Variants in STARD13 observed in about 807,000 individuals in gnomAD.
STARD13 encodes stAR-related lipid transfer protein 13.
Under a neutral mutation model 106.4 loss-of-function variants are expected in STARD13, and 62 were observed. That is an observed-to-expected ratio of 0.58 (90% CI 0.48 to 0.72). STARD13 has a LOEUF of 0.72. STARD13 is among the 30% of genes least tolerant of loss of function. The pLI is 0.00. For missense variants in STARD13, 1,387 were observed against 1,424.0 expected (o/e 0.97, Z 0.42); for synonymous variants, 565 against 553.0 (o/e 1.02, Z -0.31).
chr13:33,635,197 A>G, the STARD13 span, among the ~76,000 whole-genome samples: 1 of 152,216 alleles, frequency 6.6e-6, no homozygotes, highest in East Asian at 1.9e-4. Context: ...CTTCATGTAC[A>G]GGATGTACAA....
the STARD13 span, among the ~76,000 whole-genome samples, chr13:33,674,752 A>T: frequency 2.0e-5 from 3 of 152,014 alleles, no homozygotes; most frequent in African/African-American, 4.8e-5. Flanking sequence ...TTTTCTGGTG[A>T]TTTTTTTTCT....
chr13:33,285,276 C>T (rs1233059678), intron 1 of STARD13, among the ~76,000 whole-genome samples, 194 bp downstream of exon 1: 1 of 152,036 alleles, frequency 6.6e-6, no homozygotes, highest in African/African-American at 2.4e-5. Context: ...TTATGTTGAG[C>T]TATGTGGCAG....
chr13:33,474,530 G>C, the STARD13 span, among the ~76,000 whole-genome samples: 54 of 152,290 alleles, frequency 3.5e-4, no homozygotes, highest in African/African-American at 1.2e-3. Context: ...ATGAAAGAAT[G>C]CTTGTACATT....
At chr13:33,452,294 G>A in the STARD13 span, among the ~76,000 whole-genome samples, 1 of 151,962 alleles carries the variant, frequency 6.6e-6, no homozygotes, top group Admixed American at 6.6e-5. Flanking sequence ...GTTCTCTGGG[G>A]TATGAAGGCC....
chr13:33,393,181 G>T, the STARD13 span, among the ~76,000 whole-genome samples: 1 of 152,154 alleles, frequency 6.6e-6, no homozygotes, highest in Non-Finnish European at 1.5e-5. Context: ...AGCCACTACT[G>T]CATATTATGA....
At chr13:33,579,047 C>G in the STARD13 span, among the ~76,000 whole-genome samples, 2 of 151,994 alleles carry the variant, frequency 1.3e-5, no homozygotes, top group Non-Finnish European at 2.9e-5. Context: ...TTATAAACTG[C>G]TGGGGGGAAT....
intron 1 of STARD13, among the ~76,000 whole-genome samples, chr13:33,263,041 C>T (rs551369494): frequency 5.3e-5 from 8 of 152,286 alleles, no homozygotes; most frequent in African/African-American, 1.9e-4. Flanking sequence ...ACTTACTAGT[C>T]GTAGAATCTT....
At chr13:33,224,609 C>T (rs1054843044) in intron 1 of STARD13, among the ~76,000 whole-genome samples, 6 of 152,218 alleles carry the variant, frequency 3.9e-5, no homozygotes, top group Admixed American at 1.3e-4. Flanking sequence ...AACTTCTACT[C>T]ACATTTCAGC....
the STARD13 span, among the ~76,000 whole-genome samples, chr13:33,582,765 A>G: frequency 6.6e-6 from 1 of 152,244 alleles, no homozygotes; most frequent in African/African-American, 2.4e-5. Flanking sequence ...AAGATGGGTC[A>G]TCAACCTAAC....
At chr13:33,200,828 T>C (rs1013639256) in intron 1 of STARD13, among the ~76,000 whole-genome samples, 3 of 151,702 alleles carry the variant, frequency 2.0e-5, no homozygotes, top group Admixed American at 6.6e-5. Flanking sequence ...GAGACCATCC[T>C]GGCTAACACG....
the STARD13 span, among the ~76,000 whole-genome samples, chr13:33,464,640 A>G: frequency 2.6e-5 from 4 of 152,172 alleles, no homozygotes; most frequent in African/African-American, 4.8e-5. Context: ...ACTTGAGGCA[A>G]GAACTCAAGA....
chr13:33,535,510 A>AG, the STARD13 span, among the ~76,000 whole-genome samples: 1,679 of 152,290 alleles, frequency 0.011, 39 homozygotes, highest in African/African-American at 0.038. Context: ...TAGTAACTTA[A>AG]AAATACAACT....
At chr13:33,626,144 CAT>C in the STARD13 span, among the ~76,000 whole-genome samples, 1 of 152,176 alleles carries the variant, frequency 6.6e-6, no homozygotes, top group Non-Finnish European at 1.5e-5. Context: ...CACACACACA[CAT>C]CTGCACATGT....
At chr13:33,173,913 T>C (rs1301404602) in intron 1 of STARD13, among the ~76,000 whole-genome samples, 1 of 152,224 alleles carries the variant, frequency 6.6e-6, no homozygotes. Flanking sequence ...CTCTCAGCTC[T>C]GTTTATGTGG....
At chr13:33,294,349 C>T (rs186922541) in intron 1 of STARD13, among the ~76,000 whole-genome samples, 1 of 152,318 alleles carries the variant, frequency 6.6e-6, no homozygotes, top group African/African-American at 2.4e-5. Context: ...GCCTTCTTTT[C>T]TAGCTTATAT....
At chr13:33,517,423 C>A in the STARD13 span, among the ~76,000 whole-genome samples, 1 of 152,082 alleles carries the variant, frequency 6.6e-6, no homozygotes, top group African/African-American at 2.4e-5. Flanking sequence ...AATGGTTTTC[C>A]TTATTCCTAA....
intron 1 of STARD13, among the ~76,000 whole-genome samples, chr13:33,332,526 G>A (rs1335742804): frequency 2.0e-5 from 3 of 152,034 alleles, no homozygotes; most frequent in East Asian, 3.9e-4. Context: ...ACCAGAAAAC[G>A]GTTGTCTGCA....
chr13:33,247,279 C>T (rs1174172317), intron 1 of STARD13, among the ~76,000 whole-genome samples: 1 of 151,856 alleles, frequency 6.6e-6, no homozygotes, highest in Non-Finnish European at 1.5e-5. Context: ...GAAAGTGCGG[C>T]TTGGTTTGTC....
chr13:33,276,321 C>A (rs1359973802), intron 1 of STARD13: 1 of 152,150 alleles, frequency 6.6e-6, no homozygotes, highest in African/African-American at 2.4e-5. Flanking sequence ...GGATTTCACA[C>A]TCTATTTTGA....
Sources: gnomAD v4.1 joint callset for allele counts (sites outside exome capture counted in the v4.1 genomes callset) on GRCh38, gnomAD v4.1.1 for gene constraint, MANE v1.5 for transcripts, NCBI Gene and HGNC (gene_info 2026-07-23, HGNC 2026-07-21) for gene names.